The following RAB33A variants were observed in gnomAD, a reference collection of about 807,000 sequenced individuals.
RAB33A encodes RAB33A, member RAS oncogene family.
In RAB33A, 6 loss-of-function variants were observed where a neutral mutation model predicts 12.0. That is an observed-to-expected ratio of 0.50 (90% CI 0.27 to 0.99). RAB33A has a LOEUF of 0.99. RAB33A is among the 50% of genes least tolerant of loss of function. The probability of loss-of-function intolerance (pLI) is 0.11; values close to 1 mark genes in which losing one functional copy is unlikely to be tolerated. For missense variants in RAB33A, 109 were observed against 192.0 expected (o/e 0.57, Z 2.55); for synonymous variants, 70 against 82.4 (o/e 0.85, Z 0.81).
intron 1 of RAB33A, among the ~76,000 whole-genome samples, chrX:130,180,629 A>G (rs7884461): frequency 0.53 from 54,956 of 102,779 alleles, 12,679 homozygotes; most frequent in African/African-American, 0.83. Flanking sequence ...TAATTTTTTT[A>G]TATTTTTTGG....
At chrX:130,137,402 G>C in the RAB33A span, 1 of 1,157,463 alleles carries the variant, frequency 8.6e-7, no homozygotes, top group Non-Finnish European at 1.2e-6. Context: ...GCTGGCCCCA[G>C]ATTAAGCTTC....
chrX:130,138,268 G>A, the RAB33A span, among the ~76,000 whole-genome samples: 969 of 110,436 alleles, frequency 8.8e-3, 7 homozygotes, highest in Middle Eastern at 0.023. Flanking sequence ...GATCGAGACA[G>A]TCCTGGCTAA....
At chrX:130,158,157 G>A in the RAB33A span, among the ~76,000 whole-genome samples, 7 of 109,917 alleles carry the variant, frequency 6.4e-5, no homozygotes, top group African/African-American at 1.7e-4. Context: ...CCAGCTACTC[G>A]GGAGGCTGAG....
chrX:130,153,541 C>G, the RAB33A span, among the ~76,000 whole-genome samples: 13,822 of 110,372 alleles, frequency 0.13, 857 homozygotes, highest in Non-Finnish European at 0.17. Flanking sequence ...CTGAATGTTT[C>G]CTATTCCTAT....
chrX:130,138,545 C>T, the RAB33A span: 6,775 of 877,130 alleles, frequency 7.7e-3, 183 homozygotes, highest in African/African-American at 0.094. Flanking sequence ...CACAGAAAAG[C>T]TATATAAGAC....
the RAB33A span, among the ~76,000 whole-genome samples, chrX:130,135,439 T>TAAAA: frequency 2.4e-3 from 176 of 72,937 alleles, no homozygotes; most frequent in African/African-American, 9.9e-3. Context: ...TTTTTTTTTT[T>TAAAA]AAAAAAAAAA....
chrX:130,133,595 C>A, the RAB33A span: 1 of 804,192 alleles, frequency 1.2e-6, no homozygotes, highest in Non-Finnish European at 1.8e-6. Context: ...CAGAGTTGTA[C>A]TTAAACTAAC....
the RAB33A span, chrX:130,130,131 C>T: frequency 8.8e-5 from 107 of 1,210,035 alleles, no homozygotes; most frequent in Non-Finnish European, 8.3e-5. Flanking sequence ...TCTGAGGCCT[C>T]GGACTCTGTC....
chrX:130,130,190 T>C, the RAB33A span: 2 of 1,208,369 alleles, frequency 1.7e-6, no homozygotes, highest in East Asian at 3.0e-5. Context: ...CCAAAACAAA[T>C]AAACATGGAA....
chrX:130,182,990 C>T (rs1048689554), intron 1 of RAB33A, among the ~76,000 whole-genome samples: 7 of 108,692 alleles, frequency 6.4e-5, no homozygotes, highest in Non-Finnish European at 7.6e-5. Context: ...CTGCAACCAC[C>T]GCCTCCCGGG....
chrX:130,156,335 C>A, the RAB33A span: 4 of 940,485 alleles, frequency 4.3e-6, no homozygotes, highest in Admixed American at 9.8e-5. Flanking sequence ...TAAGAGAAGG[C>A]TTTTTGAAAA....
the RAB33A span, among the ~76,000 whole-genome samples, chrX:130,123,700 CAAAAAAAA>C: frequency 1.2e-3 from 49 of 39,864 alleles, no homozygotes; most frequent in South Asian, 4.1e-3. Flanking sequence ...GACTCTGTCT[CAAAAAAAA>C]AAAAAAAAAA....
At chrX:130,120,469 A>G in the RAB33A span, among the ~76,000 whole-genome samples, 1 of 111,154 alleles carries the variant, frequency 9.0e-6, no homozygotes, top group Admixed American at 9.5e-5. Context: ...ACCCACCCCC[A>G]ACGCCCCAGA....
the RAB33A span, among the ~76,000 whole-genome samples, chrX:130,150,426 C>G: frequency 1.0e-5 from 1 of 96,641 alleles, no homozygotes; most frequent in Non-Finnish European, 2.1e-5. Flanking sequence ...AGCTCTGCCT[C>G]CCGGGTTCAC....
chrX:130,173,401 CCTT>C (rs2031633321), intron 1 of RAB33A, among the ~76,000 whole-genome samples: 1 of 111,759 alleles, frequency 8.9e-6, no homozygotes, highest in East Asian at 2.8e-4. Context: ...CAGTAAGCCT[CCTT>C]CTTGCTGGTC....
At chrX:130,148,548 T>C in the RAB33A span, among the ~76,000 whole-genome samples, 1 of 111,303 alleles carries the variant, frequency 9.0e-6, no homozygotes, top group Non-Finnish European at 1.9e-5. Flanking sequence ...AAAAAACAGC[T>C]TTCGGCTGGG....
intron 1 of RAB33A, among the ~76,000 whole-genome samples, chrX:130,177,761 T>C (rs1160376929): frequency 2.3e-5 from 2 of 86,232 alleles, no homozygotes; most frequent in Non-Finnish European, 4.8e-5. Context: ...CTAACATGAC[T>C]TGGGCCGAGA....
At chrX:130,136,834 C>T in the RAB33A span, 1 of 1,026,628 alleles carries the variant, frequency 9.7e-7, no homozygotes, top group Admixed American at 2.3e-5. Flanking sequence ...AACCAATTAT[C>T]AGTACACAGG....
At chrX:130,125,383 G>A in the RAB33A span, among the ~76,000 whole-genome samples, 1 of 111,479 alleles carries the variant, frequency 9.0e-6, no homozygotes, top group Non-Finnish European at 1.9e-5. Context: ...TGGGCTGAGT[G>A]TATCTGTGTG....
Sources: allele counts gnomAD v4.1 joint callset (sites outside exome capture counted in the v4.1 genomes callset), GRCh38; gene constraint gnomAD v4.1.1; transcripts MANE v1.5; gene names NCBI Gene and HGNC (gene_info 2026-07-23, HGNC 2026-07-21).